The following CRHR1 variants were observed in gnomAD, a reference collection of about 807,000 sequenced individuals.
The protein encoded by CRHR1 is corticotropin-releasing hormone receptor 1.
A neutral mutation model predicts 56.0 loss-of-function variants in CRHR1; 28 were observed. The observed-to-expected ratio is 0.50, with a 90% CI of 0.37 to 0.69. The LOEUF (loss-of-function observed/expected upper bound fraction) is 0.69. CRHR1 is among the 30% of genes least tolerant of loss of function. The pLI, the probability that CRHR1 is intolerant of heterozygous loss-of-function variation, is 0.00. For missense variants in CRHR1, 376 were observed against 548.0 expected (o/e 0.69, Z 3.13); for synonymous variants, 195 against 216.5 (o/e 0.90, Z 0.87).
At chr17:45,820,054 G>A (rs1487238788) in intron 3 of CRHR1, among the ~76,000 whole-genome samples, 1 of 151,974 alleles carries the variant, frequency 6.6e-6, no homozygotes, top group East Asian at 1.9e-4. Flanking sequence ...CAGGGCCCCA[G>A]CCTCTAGATC....
At chr17:45,815,151 C>T (rs533531416) in intron 2 of CRHR1, among the ~76,000 whole-genome samples, 1 of 152,236 alleles carries the variant, frequency 6.6e-6, no homozygotes, top group African/African-American at 2.4e-5. Flanking sequence ...AGGCTGCCCC[C>T]ACACGCGCTG....
intron 1 of CRHR1, among the ~76,000 whole-genome samples, chr17:45,793,416 C>G (rs2061461616): frequency 6.6e-6 from 1 of 152,160 alleles, no homozygotes; most frequent in African/African-American, 2.4e-5. Flanking sequence ...ACTCTAGCCT[C>G]CAAATGGGGA....
intron 11 of CRHR1, 35 bp from the exon 12 acceptor site, chr17:45,833,972 C>T (rs765124018): frequency 6.2e-7 from 1 of 1,613,796 alleles, no homozygotes; most frequent in Admixed American, 1.7e-5. Context: ...GCAACACCTG[C>T]AGCCGACCTT....
intron 10 of CRHR1, 21 bp from the exon 11 acceptor site, chr17:45,833,693 T>TGGGGGGGGGGCCCCCCCCCCCCC: frequency 6.4e-7 from 1 of 1,571,614 alleles, no homozygotes; most frequent in Non-Finnish European, 8.7e-7. Flanking sequence ...ACTCCGAGCC[T>TGGGGGGGGGGCCCCCCCCCCCCC]CCCCACCCGC....
intron 1 of CRHR1, chr17:45,799,955 G>T (rs184747283): frequency 6.5e-6 from 1 of 153,534 alleles, no homozygotes; most frequent in Non-Finnish European, 1.5e-5. Flanking sequence ...TCCCCTTGCC[G>T]GGAAGGCCCT....
intron 3 of CRHR1, among the ~76,000 whole-genome samples, chr17:45,818,287 A>G (rs4277389): frequency 0.14 from 21,826 of 152,068 alleles, 2,142 homozygotes; most frequent in Middle Eastern, 0.22. Context: ...TGGCCCTGTC[A>G]CCTTTTGCAG....
At chr17:45,817,679 C>A (rs1281764735) in intron 3 of CRHR1, among the ~76,000 whole-genome samples, 2 of 152,176 alleles carry the variant, frequency 1.3e-5, no homozygotes, top group Non-Finnish European at 2.9e-5. Flanking sequence ...GAAAGTGACT[C>A]CCCAGGGAGT....
At chr17:45,833,976 C>T (rs1355311877) in intron 11 of CRHR1, 31 bp from the exon 12 acceptor site, 11 of 1,613,698 alleles carry the variant, frequency 6.8e-6, no homozygotes, top group African/African-American at 1.3e-5. Context: ...CACCTGCAGC[C>T]GACCTTTGAC....
intron 3 of CRHR1, among the ~76,000 whole-genome samples, chr17:45,820,173 C>A (rs190647384): frequency 6.6e-6 from 1 of 152,320 alleles, no homozygotes; most frequent in Non-Finnish European, 1.5e-5. Context: ...GGAAGGCCTA[C>A]AGTGAGGGAG....
At chr17:45,814,842 G>A (rs1484140462) in intron 2 of CRHR1, among the ~76,000 whole-genome samples, 4 of 152,278 alleles carry the variant, frequency 2.6e-5, no homozygotes, top group South Asian at 2.1e-4. Flanking sequence ...CAGTCACCTC[G>A]TGTCCATTAA....
At chr17:45,823,395 G>A (rs899678104) in intron 4 of CRHR1, among the ~76,000 whole-genome samples, 1 of 149,286 alleles carries the variant, frequency 6.7e-6, no homozygotes, top group East Asian at 2.0e-4. Flanking sequence ...GTGGCTCTGG[G>A]ACATTCCCTT....
Position 45,823,260 on chromosome 17 carries a change from C to A in CRHR1, c.327+1820C>A, listed in dbSNP as rs188320658. On this transcript the variant is annotated intron_variant, in intron 4 of 12. Transcript: ENST00000314537. ...GGAGGACCTGGGAATCTGTGTCTTT[C>A]ATGAGTGCCCCAGGGGAGCCTTCTG... Among the ~76,000 whole-genome samples, 292 of 152,166 alleles carry A rather than the reference C, an allele frequency of 1.9e-3. 3 individuals carry two copies. Among genetic ancestry groups the A allele is most frequent in the Admixed American group, 0.017 (261 of 15,274 alleles).
chr17:45,821,795 A>C (rs17762912), intron 4 of CRHR1, among the ~76,000 whole-genome samples: 21,844 of 152,278 alleles, frequency 0.14, 2,141 homozygotes, highest in Middle Eastern at 0.22. Context: ...CCTTTTCCAC[A>C]ACACATGCCT....
intron 1 of CRHR1, among the ~76,000 whole-genome samples, chr17:45,797,914 A>G (rs1331278961): frequency 6.6e-6 from 1 of 152,192 alleles, no homozygotes; most frequent in Non-Finnish European, 1.5e-5. Context: ...ATCACGGAGC[A>G]AGTTCAGCAG....
At chr17:45,830,394 T>C (rs776658572) in intron 6 of CRHR1, 23 bp from the exon 7 acceptor site, 2 of 1,594,042 alleles carry the variant, frequency 1.3e-6, no homozygotes, top group Non-Finnish European at 1.7e-6. Context: ...CATCATCATC[T>C]CTGGTTGGGG....
chr17:45,833,410 G>C lies in CRHR1; in HGVS notation c.844-42G>C, dbSNP rs372364045. ...CAGAGCTGAGAAGCCTGGGTCCCAA[G>C]CCTCTTGCACACTCCGGCCCGCTGG... On this transcript the variant is annotated intron_variant, in intron 9 of 12. Coordinates refer to ENST00000314537, the MANE Select transcript of CRHR1 (RefSeq NM_004382.5). The C allele has an allele frequency of 2.6e-5, 41 of 1,603,080 alleles. No individual in the cohort carries two copies. The African/African-American group carries it at 4.5e-4, about 18-fold the overall frequency.
intron 3 of CRHR1, among the ~76,000 whole-genome samples, chr17:45,818,925 C>T (rs1428395652): frequency 2.0e-5 from 3 of 152,158 alleles, no homozygotes; most frequent in Non-Finnish European, 4.4e-5. Context: ...GAGGTCGCAT[C>T]CTCCCTGGCA....
chr17:45,819,223 G>A (rs1235135591), intron 3 of CRHR1, among the ~76,000 whole-genome samples: 1 of 152,184 alleles, frequency 6.6e-6, no homozygotes, highest in Non-Finnish European at 1.5e-5. Context: ...ACAGTTCCAA[G>A]CACCTTGTGC....
At chr17:45,833,693 T>TGGGGGGGGGGGGGCG in intron 10 of CRHR1, 21 bp from the exon 11 acceptor site, 5 of 1,571,618 alleles carry the variant, frequency 3.2e-6, no homozygotes, top group Non-Finnish European at 4.3e-6. Flanking sequence ...ACTCCGAGCC[T>TGGGGGGGGGGGGGCG]CCCCACCCGC....
Sources: gnomAD v4.1 joint callset for allele counts (sites outside exome capture counted in the v4.1 genomes callset) on GRCh38, gnomAD v4.1.1 for gene constraint, MANE v1.5 for transcripts, NCBI Gene and HGNC (gene_info 2026-07-23, HGNC 2026-07-21) for gene names.